Variants in PSD3 observed in about 807,000 individuals in gnomAD.
PSD3 encodes PH and SEC7 domain-containing protein 3.
In PSD3, 49 loss-of-function variants were observed where a neutral mutation model predicts 105.5. The observed-to-expected ratio is 0.46, with a 90% confidence interval of 0.37 to 0.59. The LOEUF is 0.59. PSD3 is among the 20% of genes least tolerant of loss of function. PSD3 has a pLI of 0.00. For missense variants in PSD3, 1,561 were observed against 1,263.8 expected, an observed-to-expected ratio of 1.24 and a Z score of -3.57; for synonymous variants, 557 against 457.8, an observed-to-expected ratio of 1.22 and a Z score of -2.77.
intron 11 of PSD3, among the ~76,000 whole-genome samples, chr8:18,606,649 T>C (rs2130611843): frequency 6.6e-6 from 1 of 152,236 alleles, no homozygotes; most frequent in East Asian, 1.9e-4. Context: ...CAGGAGATAT[T>C]GCAGAGTGAG....
intron 4 of PSD3, among the ~76,000 whole-genome samples, chr8:18,857,195 C>G (rs995924396): frequency 1.3e-5 from 2 of 152,228 alleles, no homozygotes; most frequent in South Asian, 2.1e-4. Flanking sequence ...AGGCCCACAT[C>G]CCCCTGAGAA....
intron 1 of PSD3, among the ~76,000 whole-genome samples, chr8:19,059,457 G>A (rs1046047640): frequency 1.1e-4 from 16 of 152,342 alleles, no homozygotes; most frequent in South Asian, 8.3e-4. Flanking sequence ...AGCAGCACCA[G>A]TAGCAGCTGG....
At chr8:18,703,158 A>C (rs1050499449) in intron 9 of PSD3, among the ~76,000 whole-genome samples, 2 of 152,172 alleles carry the variant, frequency 1.3e-5, no homozygotes, top group Non-Finnish European at 2.9e-5. Context: ...AAAGAAGGCA[A>C]CACCACCAGC....
chr8:19,056,558 C>A (rs1300266294), intron 1 of PSD3, among the ~76,000 whole-genome samples: 2 of 152,144 alleles, frequency 1.3e-5, no homozygotes, highest in Non-Finnish European at 2.9e-5. Flanking sequence ...CTATCATTTC[C>A]AAATTTCAAC....
intron 4 of PSD3, among the ~76,000 whole-genome samples, chr8:18,833,705 G>C (rs1284651567): frequency 1.3e-5 from 2 of 151,992 alleles, no homozygotes; most frequent in African/African-American, 4.8e-5. Context: ...AAATACAACA[G>C]TGTAAGACAT....
intron 4 of PSD3, among the ~76,000 whole-genome samples, chr8:18,867,432 C>T (rs1214350386): frequency 1.3e-5 from 2 of 152,138 alleles, no homozygotes; most frequent in African/African-American, 4.8e-5. Flanking sequence ...GTTTGGTATC[C>T]AATTTATATA....
chr8:18,872,908 C>A (rs1817487703), intron 2 of PSD3, among the ~76,000 whole-genome samples, 175 bp from the exon 3 acceptor site: 1 of 152,176 alleles, frequency 6.6e-6, no homozygotes, highest in Admixed American at 6.5e-5. Flanking sequence ...TACAGTGATC[C>A]CTTCTACTCA....
intron 1 of PSD3, among the ~76,000 whole-genome samples, chr8:18,996,898 T>TCTCATTTGCCC (rs1338435485): frequency 1.3e-5 from 2 of 151,964 alleles, no homozygotes; most frequent in Middle Eastern, 3.4e-3. Context: ...CTGGGTCAAA[T>TCTCATTTGCCC]CTCATTTGCC....
At chr8:18,969,296 C>T (rs537683594) in intron 1 of PSD3, among the ~76,000 whole-genome samples, 2 of 152,300 alleles carry the variant, frequency 1.3e-5, no homozygotes, top group South Asian at 4.1e-4. Flanking sequence ...TCCTACAAAG[C>T]ACATATTGTC....
chr8:18,632,727 G>A lies in PSD3; in HGVS notation c.2296C>T (p.Arg766Cys), dbSNP rs149616744. ...AATGGGTTAGTAGTACTTCCAATAC[G>A]ACTGATGGTCTTTGGATGTGTTCCG... ...ANGTHPKTIS[R>C]IGSTTNPFLD... Residue 766 changes from arginine (R) to cysteine (C), a missense_variant, in exon 11 of 16, where the codon CGT (arginine) becomes TGT (cysteine). Transcript: ENST00000327040. 26 of 1,607,396 alleles carry A rather than the reference G, an allele frequency of 1.6e-5. No individual in the cohort carries two copies. The highest frequency in any genetic ancestry group is 1.7e-4 in the Middle Eastern group (1 of 6,042).
chr8:19,039,533 G>T (rs1828054484), intron 1 of PSD3, among the ~76,000 whole-genome samples: 1 of 152,184 alleles, frequency 6.6e-6, no homozygotes, highest in Non-Finnish European at 1.5e-5. Context: ...TCCAGTCCCT[G>T]ATATGCTTGC....
intron 1 of PSD3, among the ~76,000 whole-genome samples, chr8:18,974,349 A>G (rs1431617207): frequency 6.6e-6 from 1 of 152,242 alleles, no homozygotes; most frequent in Non-Finnish European, 1.5e-5. Context: ...ATGCACTCCA[A>G]CTAGGCTCTG....
chr8:18,891,736 T>C (rs1818793651), intron 2 of PSD3, among the ~76,000 whole-genome samples: 1 of 152,188 alleles, frequency 6.6e-6, no homozygotes, highest in African/African-American at 2.4e-5. Flanking sequence ...TTATCTATAG[T>C]TATTTCAAGC....
At chr8:19,007,728 A>G (rs1214922328) in intron 1 of PSD3, among the ~76,000 whole-genome samples, 10 of 149,658 alleles carry the variant, frequency 6.7e-5, no homozygotes, top group Non-Finnish European at 1.2e-4. Context: ...TATTTGCTGA[A>G]TGCTTAAATC....
intron 11 of PSD3, among the ~76,000 whole-genome samples, chr8:18,624,266 C>G (rs983176698): frequency 4.6e-5 from 7 of 151,962 alleles, no homozygotes; most frequent in African/African-American, 1.7e-4. Flanking sequence ...CTTACCAACA[C>G]TTGGTATTCT....
At chr8:18,540,023 T>C (rs1019118649) in intron 15 of PSD3, among the ~76,000 whole-genome samples, 13 of 152,124 alleles carry the variant, frequency 8.5e-5, no homozygotes, top group Non-Finnish European at 7.3e-5. Context: ...TTATTAAGAA[T>C]GCCAGCGTGC....
chr8:18,560,213 CAAA>C (rs778554137), intron 14 of PSD3, among the ~76,000 whole-genome samples: 2 of 145,782 alleles, frequency 1.4e-5, no homozygotes, highest in African/African-American at 2.5e-5. Flanking sequence ...CACACACAAA[CAAA>C]AAAACAACAA....
At chr8:19,055,571 T>C (rs560393855) in intron 1 of PSD3, among the ~76,000 whole-genome samples, 4 of 152,310 alleles carry the variant, frequency 2.6e-5, no homozygotes, top group South Asian at 2.1e-4. Flanking sequence ...GACTTTTTTT[T>C]CACTGGTCTG....
At chr8:18,727,259 C>A (rs897337719) in intron 9 of PSD3, among the ~76,000 whole-genome samples, 2 of 148,726 alleles carry the variant, frequency 1.3e-5, no homozygotes, top group African/African-American at 5.0e-5. Context: ...ATCGATTGAA[C>A]CTGGGAGGCG....
Sources: gnomAD v4.1 joint callset for allele counts (sites outside exome capture counted in the v4.1 genomes callset) on GRCh38, gnomAD v4.1.1 for gene constraint, MANE v1.5 for transcripts, NCBI Gene and HGNC (gene_info 2026-07-23, HGNC 2026-07-21) for gene names.